MDN1: variants seen among roughly 807,000 people sequenced by gnomAD.
MDN1 encodes midasin AAA ATPase 1, also known as midasin.
Under a neutral mutation model 669.2 loss-of-function variants are expected in MDN1, and 266 were observed. The ratio of observed to expected loss-of-function variants is 0.40; its 90% CI spans 0.36 to 0.44. The LOEUF (loss-of-function observed/expected upper bound fraction) is 0.44. Ranked by LOEUF, MDN1 falls within the 20% of genes least tolerant of loss-of-function variation. The pLI is 1.00. For synonymous variants in MDN1, 2,385 were observed against 2,457.1 expected, an observed-to-expected ratio of 0.97 and a Z score of 0.87; for missense variants, 5,940 against 6,754.0, an observed-to-expected ratio of 0.88 and a Z score of 4.22.
At position 89,698,613 on chromosome 6, in the gene MDN1, GA is replaced by G. The variant is rs946215474; in HGVS notation, c.9168+251del. Among the ~76,000 whole-genome samples the G allele has an allele frequency of 5.3e-5, 8 of 152,168 alleles. No individual in the cohort carries two copies. In the East Asian group the frequency reaches 1.3e-3, roughly 26 times the overall value. On this transcript the variant is annotated intron_variant, in intron 59 of 101. Coordinates refer to ENST00000369393, the MANE Select transcript of MDN1 (RefSeq NM_014611.3). ...GCACTGTTTAAATGTTTTATAGTGG[GA>G]AAAATGTTTTAATTAGAAAAAATAG...
chr6:89,749,079 TA>T, intron 26 of MDN1, 143 bp downstream of exon 26: 1 of 771,276 alleles, frequency 1.3e-6, no homozygotes. Flanking sequence ...AAATAAATAA[TA>T]AAAAAATTAA....
Position 89,643,202 on chromosome 6 carries a change from C to T in MDN1, c.*803G>A, listed in dbSNP as rs1024893018. 1 of 152,054 alleles carries T rather than the reference C, an allele frequency of 6.6e-6. No individual in the cohort carries two copies. The highest frequency in any genetic ancestry group is 2.4e-5 in the African/African-American group (1 of 41,350). 9.4% of individuals were successfully genotyped at this position (152,054 alleles called of 1,614,324 possible). ...CTTGAAAGCAGTGTGAGGAATCACTCTTCCCCTTGACTGTTAAGAAAAAAA... is the reference window on the plus strand; with the variant it reads ...CTTGAAAGCAGTGTGAGGAATCACTTTTCCCCTTGACTGTTAAGAAAAAAA... On this transcript the variant is annotated 3_prime_UTR_variant, in exon 102 of 102. Transcript: ENST00000369393.
chr6:89,668,288 G>T, intron 83 of MDN1, 137 bp from the exon 84 acceptor site: 1 of 1,073,012 alleles, frequency 9.3e-7, no homozygotes, highest in Non-Finnish European at 1.3e-6. Context: ...TCCGCTGGAA[G>T]TACAGGAGAC....
rs534208851 is a variant in MDN1, at chr6:89,773,221, A to C, written c.1935-500T>G. On this transcript the variant is annotated intron_variant, in intron 13 of 101. Coordinates refer to ENST00000369393, the MANE Select transcript of MDN1 (RefSeq NM_014611.3). ...CTTAAATCCAATGACTGGTGTCCTTATAAGAGGAAGATTTGGTGACATAGA... is the reference window on the plus strand; with the variant it reads ...CTTAAATCCAATGACTGGTGTCCTTCTAAGAGGAAGATTTGGTGACATAGA... 2.6e-5 allele frequency among the ~76,000 whole-genome samples: 4 copies of C among 152,310 alleles called. No individual in the cohort carries two copies. The East Asian group carries it at 7.7e-4, about 29-fold the overall frequency.
intron 22 of MDN1, among the ~76,000 whole-genome samples, chr6:89,752,723 C>A (rs1028329692): frequency 1.3e-5 from 2 of 152,122 alleles, no homozygotes; most frequent in Admixed American, 1.3e-4. Context: ...TATGGTGTAC[C>A]CATCCAGTGA....
At position 89,680,605 on chromosome 6, in the gene MDN1, GC is replaced by G; in HGVS notation, c.12248del (p.Gly4083AlafsTer9). The G allele has an allele frequency of 6.2e-7, 1 of 1,614,122 alleles. No homozygotes were observed. Among genetic ancestry groups the G allele is most frequent in the Non-Finnish European group, 8.5e-7 (1 of 1,180,002 alleles). On this transcript the variant is annotated frameshift_variant, in exon 74 of 102. Transcript: ENST00000369393. LOFTEE classifies it high-confidence loss of function. Reference protein sequence around the residue: ...KESPLPRLVEGLDQFTGEVIS... With the variant: ...KESPLPRLVEXLDQFTGEVIS... ...GGCACCCACCTGTGAACTGATCAAGGCCCTCCACAAGGCGAGGCAGGGGGCT... is the reference window on the plus strand; with the variant it reads ...GGCACCCACCTGTGAACTGATCAAGGCCTCCACAAGGCGAGGCAGGGGGCT...
intron 1 of MDN1, among the ~76,000 whole-genome samples, chr6:89,812,343 G>A (rs1260819884): frequency 6.6e-6 from 1 of 151,938 alleles, no homozygotes; most frequent in Non-Finnish European, 1.5e-5. Context: ...CCAGCACTTT[G>A]GGAGGCCGAG....
rs368511872 is a variant in MDN1, at chr6:89,714,630, C to A, written c.6982G>T (p.Val2328Phe). 8 of 1,614,050 alleles carry A rather than the reference C, an allele frequency of 5.0e-6. No individual in the cohort carries two copies. In the African/African-American group the frequency reaches 1.1e-4, roughly 22 times the overall value. Reference sequence around the variant, plus strand: ...ACCAATCCAAGGCTGTGCAGCAGAACTTTCAAATCCAGGTTGTCTGGGGTG... The same window carrying A: ...ACCAATCCAAGGCTGTGCAGCAGAAATTTCAAATCCAGGTTGTCTGGGGTG... ...ASTPDNLDLK[V>F]LLHSLGLVGN... The change falls in exon 46 of 102, where the codon GTT becomes TTT. Residue 2328 changes from valine to phenylalanine, a missense_variant. Val to Phe is a conservative substitution (Grantham distance 50, BLOSUM62 -1). This residue lies in a region of MDN1 where 2,292 missense variants were observed against 2,638.3 expected (regional missense o/e 0.87). Transcript: ENST00000369393.
At chr6:89,713,831 G>A (rs1035389363) in intron 46 of MDN1, among the ~76,000 whole-genome samples, 15 of 151,936 alleles carry the variant, frequency 9.9e-5, no homozygotes, top group South Asian at 2.1e-4. Flanking sequence ...GGCGGATCAC[G>A]AGGTCAGGAG....
rs771017391 is a variant in MDN1 at position 89,692,997 on chromosome 6, C to A, written c.10033G>T (p.Asp3345Tyr). The A allele has an allele frequency of 6.2e-7, 1 of 1,614,206 alleles. No individual in the cohort carries two copies. The highest frequency in any genetic ancestry group is 2.2e-5 in the East Asian group (1 of 44,888). ...GCCTGCAGAAGCCGTGTGAGCAGAT[C>A]CTGAACAGCAGGGGCCTTGGCGATG... The part of the protein sequence containing the change: ...TSIAKAPAVQ[D>Y]LLTRLLQALH... Residue 3345 changes from aspartate (D) to tyrosine (Y), a missense_variant, in exon 63 of 102, where the codon GAT (aspartate) becomes TAT (tyrosine). Coordinates refer to ENST00000369393, the MANE Select transcript of MDN1 (RefSeq NM_014611.3).
In MDN1 at chr6:89,687,030, C is replaced by T. The variant is rs570962752; in HGVS notation, c.11451-7G>A. On this transcript the variant is annotated splice_polypyrimidine_tract_variant and splice_region_variant and intron_variant, in intron 68 of 101. Transcript: ENST00000369393. ...CAAACTCATGGACCAGCAGCTGAAA[C>T]GAGAAGAAGCCAAGGAGGCATTTAG... 34 of 1,610,300 alleles carry T rather than the reference C, an allele frequency of 2.1e-5. No homozygotes were observed. The Admixed American group carries it at 2.5e-4, about 12-fold the overall frequency.
At chr6:89,712,337 C>A in intron 48 of MDN1, 81 bp from the exon 49 acceptor site, 1 of 1,307,034 alleles carries the variant, frequency 7.7e-7, no homozygotes, top group Non-Finnish European at 1.1e-6. Flanking sequence ...AAACCTCTTT[C>A]ACAAATATTG....
intron 15 of MDN1, among the ~76,000 whole-genome samples, chr6:89,770,749 C>A (rs984875556): frequency 3.3e-5 from 5 of 152,128 alleles, no homozygotes; most frequent in Non-Finnish European, 7.4e-5. Context: ...GTGATTCACC[C>A]ATCTAGGCCT....
intron 1 of MDN1, among the ~76,000 whole-genome samples, chr6:89,803,887 TTTC>T (rs1767832661): frequency 1.7e-5 from 1 of 57,288 alleles, no homozygotes; most frequent in Non-Finnish European, 3.1e-5. Flanking sequence ...GGCCTTTTCT[TTTC>T]TTTTCTTTTT....
At chr6:89,742,019 T>G (rs1416480443) in intron 31 of MDN1, among the ~76,000 whole-genome samples, 1 of 152,128 alleles carries the variant, frequency 6.6e-6, no homozygotes, top group Non-Finnish European at 1.5e-5. Context: ...AAGAATGGCT[T>G]GAACCCAGGA....
chr6:89,661,000 T>A (rs1229820082), intron 88 of MDN1, among the ~76,000 whole-genome samples: 2 of 152,210 alleles, frequency 1.3e-5, no homozygotes, highest in Non-Finnish European at 2.9e-5. Flanking sequence ...GATTATTTAG[T>A]CTCATTCCTC....
Position 89,650,099 on chromosome 6 carries a change from C to T in MDN1, c.16131G>A (p.Lys5377=). ...RKDKIWLRRT[K]PSKRQYQICL... The stretch of plus-strand genomic sequence containing the variant: ...AAATCTGATACTGGCGTTTACTGGG[C>T]TTGGTCCTTCGAAGCCAAATCTTGT... The change falls in exon 97 of 102, where the codon AAG becomes AAA. Residue 5377 remains lysine, a synonymous_variant. Coordinates refer to ENST00000369393, the MANE Select transcript of MDN1 (RefSeq NM_014611.3). The T allele has an allele frequency of 6.2e-7, 1 of 1,614,132 alleles. No homozygotes were observed. The highest frequency in any genetic ancestry group is 1.3e-5 in the African/African-American group (1 of 75,038).
At chr6:89,710,522 A>T (rs1432142640) in intron 50 of MDN1, among the ~76,000 whole-genome samples, 159 bp downstream of exon 50, 2 of 152,020 alleles carry the variant, frequency 1.3e-5, no homozygotes, top group Non-Finnish European at 2.9e-5. Context: ...AAAAAAAAGA[A>T]ATTTCAAAAA....
chr6:89,690,068 C>T lies in MDN1; in HGVS notation c.10825G>A (p.Gly3609Ser), dbSNP rs1421485978. 3.1e-6 allele frequency: 5 copies of T among 1,614,184 alleles called. No individual in the cohort carries two copies. The highest frequency in any genetic ancestry group is 1.1e-5 in the South Asian group (1 of 91,080). The change falls in exon 65 of 102, where the codon GGC becomes AGC. Residue 3609 changes from glycine (G) to serine (S), a missense_variant. Transcript: ENST00000369393. Reference protein sequence around the residue: ...GTSDGQEEEAGTNPALLSQNS... With the variant: ...GTSDGQEEEASTNPALLSQNS... ...TGGGAGAGGAGAGCTGGGTTTGTGC[C>T]TGCTTCCTCTTCTTGCCCATCTGAA...
Sources: allele counts gnomAD v4.1 joint callset (sites outside exome capture counted in the v4.1 genomes callset), GRCh38; gene constraint gnomAD v4.1.1; regional missense constraint gnomAD v4.1.1; transcripts MANE v1.5; gene names NCBI Gene and HGNC (gene_info 2026-07-23, HGNC 2026-07-21).